Variants in PEX5L observed in about 807,000 individuals in gnomAD.
PEX5L encodes the protein peroxisomal biogenesis factor 5 like.
In PEX5L, 30 loss-of-function variants were observed where a neutral mutation model predicts 84.0. The observed-to-expected ratio is 0.36, with a 90% CI of 0.27 to 0.48. The LOEUF is 0.48. Ranked by LOEUF, PEX5L falls within the 20% of genes least tolerant of loss-of-function variation. The pLI, the probability that PEX5L is intolerant of heterozygous loss-of-function variation, is 0.99. For missense variants in PEX5L, 533 were observed against 754.6 expected (o/e 0.71, Z 3.44); for synonymous variants, 270 against 283.1 (o/e 0.95, Z 0.46).
chr3:179,807,944 G>T, intron 13 of PEX5L, 113 bp from the exon 14 acceptor site: 1 of 939,212 alleles, frequency 1.1e-6, no homozygotes, highest in Non-Finnish European at 1.6e-6. Context: ...CAGTGCTCAT[G>T]GATGGAGACC....
chr3:179,900,589 C>T, intron 2 of PEX5L: 1 of 1,005,200 alleles, frequency 9.9e-7, no homozygotes, highest in East Asian at 2.6e-5. Flanking sequence ...ATGCTGAACT[C>T]TAGAACAAAG....
chr3:180,024,595 A>G (rs1371697006), intron 1 of PEX5L, among the ~76,000 whole-genome samples: 1 of 151,178 alleles, frequency 6.6e-6, no homozygotes, highest in Non-Finnish European at 1.5e-5. Flanking sequence ...AGATAGGTGC[A>G]CAAAATAGAC....
chr3:179,883,444 G>A (rs907338564), intron 4 of PEX5L, among the ~76,000 whole-genome samples: 2 of 152,172 alleles, frequency 1.3e-5, no homozygotes, highest in Non-Finnish European at 2.9e-5. Flanking sequence ...CTGATGTTCC[G>A]TGAATATTGT....
chr3:179,878,195 G>A (rs534205457), intron 5 of PEX5L, among the ~76,000 whole-genome samples: 1 of 152,232 alleles, frequency 6.6e-6, no homozygotes, highest in African/African-American at 2.4e-5. Context: ...CTTCTATCAT[G>A]GAGCTTGGCA....
At chr3:179,923,660 T>C (rs538232295) in intron 2 of PEX5L, among the ~76,000 whole-genome samples, 67 of 152,348 alleles carry the variant, frequency 4.4e-4, no homozygotes, top group Non-Finnish European at 7.8e-4. Flanking sequence ...CAGATCAAAA[T>C]TGAACTCCTA....
At chr3:179,851,676 C>T (rs150576012) in intron 8 of PEX5L, among the ~76,000 whole-genome samples, 27 of 152,166 alleles carry the variant, frequency 1.8e-4, no homozygotes, top group African/African-American at 6.0e-4. Flanking sequence ...GACATATAAA[C>T]GGAAGGTTAG....
chr3:179,917,731 C>T (rs908239448), intron 2 of PEX5L, among the ~76,000 whole-genome samples: 1 of 152,138 alleles, frequency 6.6e-6, no homozygotes, highest in Non-Finnish European at 1.5e-5. Context: ...ATGATCTCGG[C>T]TCACCGCAAC....
chr3:180,003,057 A>T (rs991298032), intron 1 of PEX5L, among the ~76,000 whole-genome samples: 6 of 152,172 alleles, frequency 3.9e-5, no homozygotes, highest in Non-Finnish European at 7.4e-5. Context: ...GAACGATAAA[A>T]ATCGAATTCA....
intron 8 of PEX5L, among the ~76,000 whole-genome samples, chr3:179,845,350 T>G (rs1238478770): frequency 6.6e-6 from 1 of 152,240 alleles, no homozygotes; most frequent in Non-Finnish European, 1.5e-5. Context: ...CATATCCAAT[T>G]ATTTGCTTGT....
chr3:179,905,456 G>C (rs965538479), intron 2 of PEX5L, among the ~76,000 whole-genome samples: 11 of 152,092 alleles, frequency 7.2e-5, no homozygotes, highest in Non-Finnish European at 1.6e-4. Context: ...TGTGTTTTTA[G>C]TAGAGACGGG....
intron 2 of PEX5L, among the ~76,000 whole-genome samples, chr3:179,922,170 A>G (rs933841736): frequency 6.6e-6 from 1 of 152,244 alleles, no homozygotes; most frequent in African/African-American, 2.4e-5. Flanking sequence ...CAGCCAGTCA[A>G]CAAATATTGC....
intron 1 of PEX5L, among the ~76,000 whole-genome samples, chr3:180,002,328 T>G (rs540156555): frequency 1.3e-5 from 2 of 152,300 alleles, no homozygotes; most frequent in Non-Finnish European, 2.9e-5. Flanking sequence ...GTTACAAGCT[T>G]GCTGACTGCC....
intron 1 of PEX5L, among the ~76,000 whole-genome samples, chr3:180,006,581 G>A (rs1017206318): frequency 2.1e-4 from 32 of 152,186 alleles, no homozygotes; most frequent in African/African-American, 6.0e-4. Flanking sequence ...GAATTAGTCC[G>A]TTTTGACACT....
chr3:179,990,486 C>T (rs1010454092), intron 1 of PEX5L, among the ~76,000 whole-genome samples: 4 of 152,076 alleles, frequency 2.6e-5, no homozygotes, highest in Non-Finnish European at 4.4e-5. Flanking sequence ...GTAGGCTCAA[C>T]CTCCCAGGTT....
intron 12 of PEX5L, 66 bp downstream of exon 12, chr3:179,809,405 G>T: frequency 8.4e-7 from 1 of 1,184,396 alleles, no homozygotes; most frequent in Non-Finnish European, 1.3e-6. Flanking sequence ...CTCATTAGTT[G>T]CCCTTTAGGT....
intron 7 of PEX5L, among the ~76,000 whole-genome samples, chr3:179,872,245 T>A (rs1750662239): frequency 6.6e-6 from 1 of 152,208 alleles, no homozygotes; most frequent in Non-Finnish European, 1.5e-5. Context: ...GTTATTCTCT[T>A]GCTGTTTGAG....
chr3:179,970,278 G>A (rs1175584719), intron 2 of PEX5L, among the ~76,000 whole-genome samples: 1 of 151,932 alleles, frequency 6.6e-6, no homozygotes, highest in Non-Finnish European at 1.5e-5. Context: ...TTGCCAGGTG[G>A]GTCCAGTCCT....
chr3:179,846,752 T>C (rs1435641900), intron 8 of PEX5L, among the ~76,000 whole-genome samples: 1 of 152,142 alleles, frequency 6.6e-6, no homozygotes, highest in African/African-American at 2.4e-5. Context: ...GCTGAGACAT[T>C]GGTCTTCTCC....
intron 2 of PEX5L, among the ~76,000 whole-genome samples, chr3:179,955,784 G>A (rs564601858): frequency 9.6e-4 from 145 of 151,818 alleles, no homozygotes; most frequent in African/African-American, 3.3e-3. Flanking sequence ...TTCTTATTAC[G>A]ATTAGAAAGT....
Sources: allele counts gnomAD v4.1 joint callset (sites outside exome capture counted in the v4.1 genomes callset), GRCh38; gene constraint gnomAD v4.1.1; transcripts MANE v1.5; gene names NCBI Gene and HGNC (gene_info 2026-07-23, HGNC 2026-07-21).